UACA: variants seen among roughly 807,000 people sequenced by gnomAD.
UACA encodes uveal autoantigen with coiled-coil domains and ankyrin repeats, also known as nuclear membrane binding protein.
UACA carries 112 observed loss-of-function variants against 160.5 expected under a neutral mutation model. That is an observed-to-expected ratio of 0.70 (90% CI 0.60 to 0.82). The LOEUF is 0.82. Among genes scored for constraint, UACA ranks in the 40% least tolerant of loss-of-function variants. UACA has a pLI of 0.00. For missense variants in UACA, 1,574 were observed against 1,614.6 expected (o/e 0.97, Z 0.43); for synonymous variants, 557 against 568.4 (o/e 0.98, Z 0.29).
chr15:70,667,552 C>G lies in UACA; in HGVS notation c.3132G>C (p.Leu1044Phe), dbSNP rs1427027182. The part of the protein sequence containing the change: ...KKEIFTLQKD[L>F]RDKTVLIEKS... ...TCTCAATGAGAACTGTCTTATCTCT[C>G]AAATCTTTCTGAAGGGTAAAAATCT... Residue 1044 changes from leucine (L) to phenylalanine (F), a missense_variant, in exon 16 of 19, where the codon TTG becomes TTC. Transcript: ENST00000322954. 6.2e-7 allele frequency: 1 copy of G among 1,612,876 alleles called. No individual in the cohort carries two copies. The highest frequency in any genetic ancestry group is 8.5e-7 in the Non-Finnish European group (1 of 1,179,928).
At chr15:70,721,492 T>A (rs1898990913) in intron 1 of UACA, among the ~76,000 whole-genome samples, 1 of 152,020 alleles carries the variant, frequency 6.6e-6, no homozygotes, top group Non-Finnish European at 1.5e-5. Flanking sequence ...CCGGGTGTGG[T>A]GGCGGGAGCC....
At chr15:70,680,992 A>C (rs1394722983) in intron 9 of UACA, among the ~76,000 whole-genome samples, 1 of 152,042 alleles carries the variant, frequency 6.6e-6, no homozygotes, top group African/African-American at 2.4e-5. Flanking sequence ...CGCTCCTGTC[A>C]CACTTGTCTG....
At position 70,667,645 on chromosome 15, in the gene UACA, T is replaced by A. The variant is rs769448570; in HGVS notation, c.3039A>T (p.Thr1013=). 5 of 1,613,150 alleles carry A rather than the reference T, an allele frequency of 3.1e-6. No individual in the cohort carries two copies. In the Admixed American group the frequency reaches 8.3e-5, roughly 27 times the overall value. ...CTTCTTCACTGACACTATACTTTTG[T>A]GTCTGCTCTGATAACTGGTCTTTTA... ...KELKDQLSEQ[T]QKYSVSEEEV... The change falls in exon 16 of 19, where the codon ACA becomes ACT. Residue 1013 remains threonine, a synonymous_variant. Coordinates refer to ENST00000322954, the MANE Select transcript of UACA (RefSeq NM_018003.4).
chr15:70,766,817 G>A (rs72755486), upstream of UACA, among the ~76,000 whole-genome samples: 27,544 of 152,156 alleles, frequency 0.18, 3,805 homozygotes, highest in African/African-American at 0.39. Context: ...AATACCAGAT[G>A]GGCAGAGGAT....
In UACA at chr15:70,712,185, CAA is replaced by C. The variant is rs199828981; in HGVS notation, c.79-12527_79-12526del. Among the ~76,000 whole-genome samples, 18 of 146,636 alleles carry C rather than the reference CAA, an allele frequency of 1.2e-4. No homozygotes were observed. The East Asian group carries it at 2.9e-3, about 24-fold the overall frequency. ...CCTACTCCAAGTTTCATTAACACAGCAAAGACACCAGAATCCATCTGGTTATC... is the reference window on the plus strand; with the variant it reads ...CCTACTCCAAGTTTCATTAACACAGCAGACACCAGAATCCATCTGGTTATC... On this transcript the variant is annotated intron_variant, in intron 1 of 18. Transcript: ENST00000322954.
At chr15:70,684,515 C>A in intron 7 of UACA, 69 bp from the exon 8 acceptor site, 1 of 1,482,856 alleles carries the variant, frequency 6.7e-7, no homozygotes, top group Non-Finnish European at 9.1e-7. Flanking sequence ...ATATTCTGCC[C>A]TATTGTTGAA....
rs962390953 is a variant in UACA, at chr15:70,711,390, G to A, written c.79-11730C>T. Among the ~76,000 whole-genome samples the A allele has an allele frequency of 2.6e-5, 4 of 151,950 alleles. No homozygotes were observed. The East Asian group carries it at 5.8e-4, about 22-fold the overall frequency. On this transcript the variant is annotated intron_variant, in intron 1 of 18. Coordinates refer to ENST00000322954, the MANE Select transcript of UACA (RefSeq NM_018003.4). Reference sequence around the variant, plus strand: ...GTTCAATAAAAATTAGGCCGGGCACGGTGGCTCACACCTGTAATCCTACCA... The same window carrying A: ...GTTCAATAAAAATTAGGCCGGGCACAGTGGCTCACACCTGTAATCCTACCA...
intron 13 of UACA, among the ~76,000 whole-genome samples, chr15:70,672,384 C>T (rs1897167612): frequency 6.6e-6 from 1 of 152,168 alleles, no homozygotes; most frequent in Non-Finnish European, 1.5e-5. Flanking sequence ...TACTTTACCA[C>T]TGTAGGAAGC....
chr15:70,771,534 T>C, the UACA span, among the ~76,000 whole-genome samples: 2 of 152,208 alleles, frequency 1.3e-5, no homozygotes, highest in African/African-American at 2.4e-5. Context: ...CAGCAAGTAT[T>C]GGTTTTCAGA....
At chr15:70,759,150 G>C (rs2030598574) in intron 1 of UACA, among the ~76,000 whole-genome samples, 1 of 152,092 alleles carries the variant, frequency 6.6e-6, no homozygotes, top group Non-Finnish European at 1.5e-5. Context: ...TAAAATGTCT[G>C]CTTACAATAT....
At position 70,763,507 on chromosome 15, in the gene UACA, G is replaced by A. The variant is rs970685970; in HGVS notation, c.-100C>T. ...GGCTGCAGCAGAGGCGGCGCGGGCT[G>A]TACCAGCCCCACCTGCCTGCCACCT... On this transcript the variant is annotated 5_prime_UTR_variant, in exon 1 of 19. Transcript: ENST00000322954. The A allele has an allele frequency of 7.2e-6, 9 of 1,251,098 alleles. No individual in the cohort carries two copies. In the African/African-American group the frequency reaches 7.8e-5, roughly 11 times the overall value. The allele number at this position is 1,251,098 out of a possible 1,614,324, so 77.5% of individuals were successfully genotyped here. A position where few individuals can be genotyped will look rare whatever the true frequency, so the allele number is the denominator to read the frequency against.
chr15:70,657,036 C>T lies in UACA; in HGVS notation c.*20G>A. 1 of 1,610,350 alleles carries T rather than the reference C, an allele frequency of 6.2e-7. No homozygotes were observed. Among genetic ancestry groups the T allele is most frequent in the South Asian group, 1.1e-5 (1 of 90,964 alleles). ...CAGCACCAGCAAGATAAAACAGATA[C>T]TGGCAGTCAGTGCTAACGGCTAGCA... On this transcript the variant is annotated 3_prime_UTR_variant, in exon 19 of 19. Coordinates refer to ENST00000322954, the MANE Select transcript of UACA (RefSeq NM_018003.4).
intron 1 of UACA, among the ~76,000 whole-genome samples, chr15:70,718,048 C>CACAT (rs1289675119): frequency 6.6e-6 from 1 of 151,690 alleles, no homozygotes; most frequent in African/African-American, 2.4e-5. Flanking sequence ...CACACACACA[C>CACAT]ACACACACAC....
Position 70,685,270 on chromosome 15 carries a change from T to C in UACA, c.603-824A>G, listed in dbSNP as rs112417860. Reference sequence around the variant, plus strand: ...CAACAAAATAATTGTCATGAAAATCTAGAAGGACCCTAGAAATTATTTTGT... The same window carrying C: ...CAACAAAATAATTGTCATGAAAATCCAGAAGGACCCTAGAAATTATTTTGT... On this transcript the variant is annotated intron_variant, in intron 7 of 18. Transcript: ENST00000322954. Among the ~76,000 whole-genome samples, 417 of 152,314 alleles carry C rather than the reference T, an allele frequency of 2.7e-3. 1 individual carries two copies. The highest frequency in any genetic ancestry group is 9.4e-3 in the African/African-American group (389 of 41,582).
At chr15:70,672,084 G>A in intron 13 of UACA, 83 bp from the exon 14 acceptor site, 2 of 1,267,422 alleles carry the variant, frequency 1.6e-6, no homozygotes, top group Non-Finnish European at 2.2e-6. Context: ...TCTAAATCAT[G>A]CAGTCATTAA....
chr15:70,679,652 C>T lies in UACA; in HGVS notation c.847G>A (p.Glu283Lys), dbSNP rs995393187. 12 of 1,589,924 alleles carry T rather than the reference C, an allele frequency of 7.5e-6. No individual in the cohort carries two copies. The highest frequency in any genetic ancestry group is 6.8e-5 in the African/African-American group (5 of 73,402). The change falls in exon 10 of 19, where the codon GAA becomes AAA. Residue 283 changes from glutamate to lysine, a missense_variant. By Grantham distance (56) the Glu-to-Lys change is moderately conservative (BLOSUM62 1). Transcript: ENST00000322954. Reference sequence around the variant, plus strand: ...CTCTGATGTGACTTCACATTTACTTCATCTTGCATGTGTGTCAAATTTCGC... The same window carrying T: ...CTCTGATGTGACTTCACATTTACTTTATCTTGCATGTGTGTCAAATTTCGC... The part of the protein sequence containing the change: ...QQRNLTHMQD[E>K]VNVKSHQREH...
At chr15:70,774,710 A>G in the UACA span, among the ~76,000 whole-genome samples, 1 of 152,120 alleles carries the variant, frequency 6.6e-6, no homozygotes. Context: ...CATATAGAAA[A>G]AAACCAAGAC....
At chr15:70,740,937 G>A (rs1595918442) in intron 1 of UACA, among the ~76,000 whole-genome samples, 1 of 151,992 alleles carries the variant, frequency 6.6e-6, no homozygotes, top group African/African-American at 2.4e-5. Flanking sequence ...TACTCAGGAG[G>A]CTGAGGCAGG....
At position 70,710,815 on chromosome 15, in the gene UACA, CCA is replaced by C. The variant is rs370373148; in HGVS notation, c.79-11157_79-11156del. 5.3e-5 allele frequency among the ~76,000 whole-genome samples: 8 copies of C among 152,220 alleles called. 1 individual carries two copies. The highest frequency in any genetic ancestry group is 1.7e-4 in the African/African-American group (7 of 41,466). On this transcript the variant is annotated intron_variant, in intron 1 of 18. Coordinates refer to ENST00000322954, the MANE Select transcript of UACA (RefSeq NM_018003.4). ...CTGGTTCACCATCCTCCAGGTGCCTCCACATGTTCAGCAACCAGGAAGCTCTC... is the reference window on the plus strand; with the variant it reads ...CTGGTTCACCATCCTCCAGGTGCCTCCATGTTCAGCAACCAGGAAGCTCTC...
Sources: allele counts gnomAD v4.1 joint callset (sites outside exome capture counted in the v4.1 genomes callset), GRCh38; gene constraint gnomAD v4.1.1; transcripts MANE v1.5; gene names NCBI Gene and HGNC (gene_info 2026-07-23, HGNC 2026-07-21).